The following MAP3K4 variants were observed in gnomAD, a reference collection of about 807,000 sequenced individuals.
MAP3K4 encodes the protein mitogen-activated protein kinase kinase kinase 4.
Under a neutral mutation model 185.6 loss-of-function variants are expected in MAP3K4, and 67 were observed. That is an observed-to-expected ratio of 0.36 (90% CI 0.30 to 0.44). The LOEUF (loss-of-function observed/expected upper bound fraction) is 0.44, where lower values mean the gene tolerates loss of function less well. MAP3K4 is among the 20% of genes least tolerant of loss of function. The probability of loss-of-function intolerance (pLI) is 1.00; values close to 1 mark genes in which losing one functional copy is unlikely to be tolerated. For missense variants in MAP3K4, 1,551 were observed against 1,995.1 expected (o/e 0.78, Z 4.24); for synonymous variants, 702 against 710.4 (o/e 0.99, Z 0.19).
intron 3 of MAP3K4, among the ~76,000 whole-genome samples, chr6:161,055,080 G>A (rs1784173804): frequency 6.6e-6 from 1 of 152,128 alleles, no homozygotes; most frequent in Admixed American, 6.5e-5. Flanking sequence ...GGGTCTTAGG[G>A]ATGAATGTAT....
intron 1 of MAP3K4, among the ~76,000 whole-genome samples, chr6:160,994,305 C>T (rs896446961): frequency 2.0e-5 from 3 of 152,120 alleles, no homozygotes; most frequent in Admixed American, 6.5e-5. Context: ...TGAGCCTTCC[C>T]CCGAGTCTTC....
Position 161,073,686 on chromosome 6 carries a change from T to C in MAP3K4, c.2097+74T>C. ...TTAAAAAAGTAAGCCTGTATTTCCT[T>C]GTTTTGCAAACAGCGTTGGCATACA... is the stretch of plus-strand genomic sequence containing the variant. On this transcript the variant is annotated intron_variant, in intron 5 of 26. Coordinates refer to ENST00000392142, the MANE Select transcript of MAP3K4 (RefSeq NM_005922.4). The surrounding 1 kb of genome is among the most constrained non-coding windows in gnomAD (Gnocchi z 4.2). 2 of 1,510,062 alleles carry C rather than the reference T, an allele frequency of 1.3e-6. No homozygotes were observed. The highest frequency in any genetic ancestry group is 1.3e-5 in the South Asian group (1 of 78,088). 93.5% of individuals were successfully genotyped at this position (1,510,062 alleles called of 1,614,324 possible).
Position 161,093,846 on chromosome 6 carries a change from A to G in MAP3K4, c.3422A>G (p.Tyr1141Cys), listed in dbSNP as rs1583224243. ...CCACACAGTCCTGTTACAGGTTTGT[A>G]CCTTGGTAAGACAGCCGTTAACAGC... ...GKPHSPVTGLYLAIHRNSPRP... is the reference protein window; with the variant it reads ...GKPHSPVTGLCLAIHRNSPRP... The change falls in exon 15 of 27, where the codon TAC becomes TGC. Residue 1141 changes from tyrosine to cysteine, a missense_variant. Coordinates refer to ENST00000392142, the MANE Select transcript of MAP3K4 (RefSeq NM_005922.4). This position sits in a 1 kb window ranked among gnomAD's most constrained non-coding sequence, Gnocchi z 5.2. The G allele has an allele frequency of 6.2e-7, 1 of 1,611,284 alleles. No individual in the cohort carries two copies. The highest frequency in any genetic ancestry group is 8.5e-7 in the Non-Finnish European group (1 of 1,177,978).
In MAP3K4 at chr6:161,086,535, T is replaced by G; in HGVS notation, c.2473-49T>G. On this transcript the variant is annotated intron_variant, in intron 8 of 26. Transcript: ENST00000392142. This position sits in a 1 kb window ranked among gnomAD's most constrained non-coding sequence, Gnocchi z 4.8. Reference sequence around the variant, plus strand: ...TTTTTCTTGTTTTTCTTTTATCTTATTTTTTTAATGCTAACCGTAAAGAAG... The same window carrying G: ...TTTTTCTTGTTTTTCTTTTATCTTAGTTTTTTAATGCTAACCGTAAAGAAG... 2 of 1,599,304 alleles carry G rather than the reference T, an allele frequency of 1.3e-6. No individual in the cohort carries two copies. The highest frequency in any genetic ancestry group is 2.2e-5 in the East Asian group (1 of 44,788).
At position 161,075,685 on chromosome 6, in the gene MAP3K4, T is replaced by A. The variant is rs964439015; in HGVS notation, c.2097+2073T>A. Among the ~76,000 whole-genome samples the A allele has an allele frequency of 1.3e-5, 2 of 152,196 alleles. No individual in the cohort carries two copies. The highest frequency in any genetic ancestry group is 2.9e-5 in the Non-Finnish European group (2 of 68,028). On this transcript the variant is annotated intron_variant, in intron 5 of 26. Coordinates refer to ENST00000392142, the MANE Select transcript of MAP3K4 (RefSeq NM_005922.4). The surrounding 1 kb of genome is among the most constrained non-coding windows in gnomAD (Gnocchi z 4.3). ...ACCACGCCTTCCTGGTCAGCCAGTT[T>A]CTGTGCCATTGGTGAGCCTGTGTGA... is the stretch of plus-strand genomic sequence containing the variant.
intron 19 of MAP3K4, 37 bp downstream of exon 19, chr6:161,102,816 A>AG: frequency 7.1e-7 from 1 of 1,408,750 alleles, no homozygotes; most frequent in East Asian, 2.4e-5. Context: ...AAAAAAAAAA[A>AG]AAAAAAAACA....
chr6:161,089,177 A>AGCTTT, intron 10 of MAP3K4, 145 bp from the exon 11 acceptor site: 1 of 839,104 alleles, frequency 1.2e-6, no homozygotes, highest in South Asian at 1.7e-5. Flanking sequence ...GTGTAGGAGA[A>AGCTTT]GCTTTGCTTA....
In MAP3K4 at chr6:161,089,302, G is replaced by T. The variant is rs555275762; in HGVS notation, c.2824-20G>T. On this transcript the variant is annotated intron_variant, in intron 10 of 26. Coordinates refer to ENST00000392142, the MANE Select transcript of MAP3K4 (RefSeq NM_005922.4). ...GTAACTGGGTTGGTTTTTATGTCCT[G>T]TGCTTGATTTTCCTCCCAGGTGGAT... 167 of 1,609,762 alleles carry T rather than the reference G, an allele frequency of 1.0e-4. No individual in the cohort carries two copies. Among genetic ancestry groups the T allele is most frequent in the Non-Finnish European group, 1.3e-4 (153 of 1,178,654 alleles).
rs1283803500 is a variant in MAP3K4 at position 161,103,059 on chromosome 6, G to A, written c.3856+280G>A. Among the ~76,000 whole-genome samples the A allele has an allele frequency of 3.3e-5, 5 of 152,054 alleles. No individual in the cohort carries two copies. Among genetic ancestry groups the A allele is most frequent in the African/African-American group, 1.2e-4 (5 of 41,386 alleles). On this transcript the variant is annotated intron_variant, in intron 19 of 26. Coordinates refer to ENST00000392142, the MANE Select transcript of MAP3K4 (RefSeq NM_005922.4). This position sits in a 1 kb window ranked among gnomAD's most constrained non-coding sequence, Gnocchi z 4.6. Reference sequence around the variant, plus strand: ...AACTTAGCATAATTTTTTGTCCATGGTAGGAGTATAATAAACATTTGTGAA... The same window carrying A: ...AACTTAGCATAATTTTTTGTCCATGATAGGAGTATAATAAACATTTGTGAA...
In MAP3K4 at chr6:161,114,919, C is replaced by T. The variant is rs1334694418; in HGVS notation, c.4627-204C>T. Among the ~76,000 whole-genome samples the T allele has an allele frequency of 6.6e-6, 1 of 152,142 alleles. No individual in the cohort carries two copies. The highest frequency in any genetic ancestry group is 1.9e-4 in the East Asian group (1 of 5,194). ...TTCATTTATGTGTTGTCCATAGCTG[C>T]TACCATGCTGCCATGAGATTAGTGA... On this transcript the variant is annotated intron_variant, in intron 25 of 26. Transcript: ENST00000392142. The surrounding 1 kb of genome is among the most constrained non-coding windows in gnomAD (Gnocchi z 4.3).
chr6:160,992,168 T>G, intron 1 of MAP3K4, 85 bp downstream of exon 1: 1 of 1,411,006 alleles, frequency 7.1e-7, no homozygotes. Context: ...GGCCTCTGCT[T>G]CCCGCCAGGT....
intron 23 of MAP3K4, 51 bp from the exon 24 acceptor site, chr6:161,111,785 G>C (rs377598455): frequency 1.3e-6 from 2 of 1,519,984 alleles, no homozygotes; most frequent in Non-Finnish European, 1.8e-6. Context: ...ATGTAACCTT[G>C]CCCACATTGT....
chr6:160,992,620 C>G (rs116131024), intron 1 of MAP3K4, among the ~76,000 whole-genome samples: 5,072 of 152,220 alleles, frequency 0.033, 274 homozygotes, highest in African/African-American at 0.12. Flanking sequence ...CAGACAGATA[C>G]GTTGCTTTCC....
intron 1 of MAP3K4, 195 bp downstream of exon 1, chr6:160,992,278 C>G: frequency 1.4e-6 from 1 of 714,314 alleles, no homozygotes; most frequent in Non-Finnish European, 2.1e-6. Flanking sequence ...GCGACTCCTC[C>G]CGGGGTTGCA....
Position 161,030,433 on chromosome 6 carries a change from TTTTGTTTGTTTG to T in MAP3K4, c.153-3813_153-3802del, listed in dbSNP as rs879897166. 7.2e-5 allele frequency among the ~76,000 whole-genome samples: 11 copies of T among 152,118 alleles called. No individual in the cohort carries two copies. In the East Asian group the frequency reaches 1.5e-3, roughly 21 times the overall value. ...GATCATATATTTTTTTCTTTGGTAT[TTTTGTTTGTTTG>T]TTTGTTTGTTTGATTGAGACAGGGT... On this transcript the variant is annotated intron_variant, in intron 1 of 26. Transcript: ENST00000392142.
intron 23 of MAP3K4, among the ~76,000 whole-genome samples, chr6:161,111,056 C>T (rs538126156): frequency 2.2e-4 from 34 of 152,318 alleles, no homozygotes; most frequent in African/African-American, 7.2e-4. Context: ...TACAGTCGCT[C>T]GAGAAGATCA....
At chr6:160,993,359 C>G (rs62438071) in intron 1 of MAP3K4, among the ~76,000 whole-genome samples, 4,895 of 152,132 alleles carry the variant, frequency 0.032, 128 homozygotes, top group Non-Finnish European at 0.045. Context: ...AATTTTGATA[C>G]CTTTTTCTTT....
rs555640525 is a variant in MAP3K4 at position 161,043,121 on chromosome 6, A to G, written c.344-5495A>G. 7.5e-4 allele frequency among the ~76,000 whole-genome samples: 115 copies of G among 152,354 alleles called. No homozygotes were observed. The highest frequency in any genetic ancestry group is 2.6e-3 in the African/African-American group (110 of 41,586). ...AATGGTTACAAATCAGATTCAATCTATATAGCTAGTGAAATGTTTGTGTCA... is the reference window on the plus strand; with the variant it reads ...AATGGTTACAAATCAGATTCAATCTGTATAGCTAGTGAAATGTTTGTGTCA... On this transcript the variant is annotated intron_variant, in intron 2 of 26. Coordinates refer to ENST00000392142, the MANE Select transcript of MAP3K4 (RefSeq NM_005922.4). This position sits in a 1 kb window ranked among gnomAD's most constrained non-coding sequence, Gnocchi z 4.3.
chr6:161,044,932 A>G (rs1783653928), intron 2 of MAP3K4, among the ~76,000 whole-genome samples: 1 of 152,130 alleles, frequency 6.6e-6, no homozygotes, highest in South Asian at 2.1e-4. Flanking sequence ...ATCTGCCCCC[A>G]TGACCCAGAC....
Sources: gnomAD v4.1 joint callset for allele counts (sites outside exome capture counted in the v4.1 genomes callset) on GRCh38, gnomAD v4.1.1 for gene constraint, Gnocchi (gnomAD v3.1) non-coding constraint, MANE v1.5 for transcripts, NCBI Gene and HGNC (gene_info 2026-07-23, HGNC 2026-07-21) for gene names.